The following POLB variants were observed in gnomAD, a reference collection of about 807,000 sequenced individuals.
POLB encodes DNA polymerase beta, also known as 5'-dRP lyase.
A neutral mutation model predicts 52.7 loss-of-function variants in POLB; 37 were observed. That is an observed-to-expected ratio of 0.70 (90% CI 0.54 to 0.92). The LOEUF is 0.92. Ranked by LOEUF, POLB falls within the 40% of genes least tolerant of loss-of-function variation. The pLI is 0.00. For synonymous variants in POLB, 138 were observed against 131.3 expected (o/e 1.05, Z -0.35); for missense variants, 313 against 400.8 (o/e 0.78, Z 1.87).
intron 2 of POLB, chr8:42,339,791 CAACTCCTA>C: frequency 6.6e-6 from 1 of 151,146 alleles, no homozygotes; most frequent in Admixed American, 6.6e-5. Flanking sequence ...GGCTGATCTC[CAACTCCTA>C]AACTCAAATG....
chr8:42,358,750 A>C (rs1300180755), intron 9 of POLB, among the ~76,000 whole-genome samples: 1 of 152,184 alleles, frequency 6.6e-6, no homozygotes, highest in Non-Finnish European at 1.5e-5. Context: ...CTGGGGTCAA[A>C]AGACCTGGGG....
At chr8:42,358,961 G>A (rs977176123) in intron 9 of POLB, among the ~76,000 whole-genome samples, 14 of 152,214 alleles carry the variant, frequency 9.2e-5, no homozygotes, top group African/African-American at 3.1e-4. Flanking sequence ...TTTTCAAAAT[G>A]TAGATTTGGA....
intron 10 of POLB, among the ~76,000 whole-genome samples, chr8:42,362,278 T>A (rs1226059537): frequency 4.1e-5 from 6 of 147,410 alleles, no homozygotes; most frequent in Non-Finnish European, 6.0e-5. Flanking sequence ...TAAAATAAAA[T>A]AAAATAAAAT....
intron 2 of POLB, among the ~76,000 whole-genome samples, chr8:42,343,347 TA>T (rs1316506208): frequency 7.4e-5 from 1 of 13,458 alleles, no homozygotes. Flanking sequence ...AAAAAAAAAA[TA>T]TATATATATA....
Position 42,344,933 on chromosome 8 carries a change from CT to C in POLB, c.120-16del. 6.6e-7 allele frequency: 1 copy of C among 1,516,406 alleles called. No homozygotes were observed. Among genetic ancestry groups the C allele is most frequent in the Non-Finnish European group, 9.2e-7 (1 of 1,091,958 alleles). 93.9% of individuals were successfully genotyped at this position (1,516,406 alleles called of 1,614,324 possible). On this transcript the variant is annotated intron_variant, in intron 2 of 13. Transcript: ENST00000265421. ...CTTGATGGATTTCTAATTGGTTTTC[CT>C]TTTCTTCTTTCCTTATAGAAAAGCA... is the stretch of plus-strand genomic sequence containing the variant.
Position 42,362,664 on chromosome 8 carries a change from C to T in POLB, c.674C>T (p.Thr225Ile). ...CAGTTACAAAAGGTTCATTTTATCA[C>T]AGATACCCTGTCAAAGGGTGAGACA... Reference protein sequence around the residue: ...VEQLQKVHFITDTLSKGETKF... With the variant: ...VEQLQKVHFIIDTLSKGETKF... Residue 225 changes from threonine (T) to isoleucine (I), a missense_variant, in exon 11 of 14, where the codon ACA becomes ATA. By Grantham distance (89) the Thr-to-Ile change is moderately conservative. Transcript: ENST00000265421. The T allele has an allele frequency of 6.2e-7, 1 of 1,609,258 alleles. No homozygotes were observed.
chr8:42,353,881 C>G (rs1404058156), intron 6 of POLB, among the ~76,000 whole-genome samples: 2 of 142,802 alleles, frequency 1.4e-5, no homozygotes, highest in Non-Finnish European at 3.2e-5. Context: ...GTGCTTGGTA[C>G]CTAGTACTAC....
rs921283326 is a variant in POLB at position 42,342,504 on chromosome 8, G to A, written c.120-2449G>A. On this transcript the variant is annotated intron_variant, in intron 2 of 13. Transcript: ENST00000265421. Reference sequence around the variant, plus strand: ...CTATCATCCTCTATTTGGGTGTGTTGTATTTATTTTTATCCTGTATTACCA... The same window carrying A: ...CTATCATCCTCTATTTGGGTGTGTTATATTTATTTTTATCCTGTATTACCA... 3 of 978,170 alleles carry A rather than the reference G, an allele frequency of 3.1e-6. No individual in the cohort carries two copies. In the African/African-American group the frequency reaches 4.8e-5, roughly 16 times the overall value. 60.6% of individuals were successfully genotyped at this position (978,170 alleles called of 1,614,324 possible). A position where few individuals can be genotyped will look rare whatever the true frequency, so the allele number is the denominator to read the frequency against.
At chr8:42,368,409 G>C (rs1384274656) in intron 11 of POLB, among the ~76,000 whole-genome samples, 1 of 152,326 alleles carries the variant, frequency 6.6e-6, no homozygotes, top group East Asian at 1.9e-4. Context: ...GAGTGAAAAA[G>C]TATGGCTTTT....
At chr8:42,344,359 C>T (rs930439975) in intron 2 of POLB, among the ~76,000 whole-genome samples, 5 of 151,312 alleles carry the variant, frequency 3.3e-5, no homozygotes, top group African/African-American at 4.9e-5. Flanking sequence ...ATCCCAGCAA[C>T]TTGGGAAGCT....
At chr8:42,347,751 C>T (rs1157985052) in intron 3 of POLB, among the ~76,000 whole-genome samples, 1 of 152,080 alleles carries the variant, frequency 6.6e-6, no homozygotes, top group East Asian at 1.9e-4. Flanking sequence ...ATTCTGCTTC[C>T]TAAATCTTTT....
chr8:42,363,291 G>A (rs1226056802), intron 11 of POLB, among the ~76,000 whole-genome samples: 1 of 151,754 alleles, frequency 6.6e-6, no homozygotes, highest in Non-Finnish European at 1.5e-5. Context: ...CTCTTTGGGA[G>A]GCCGAGGTCA....
intron 5 of POLB, among the ~76,000 whole-genome samples, chr8:42,351,116 C>T (rs892227316): frequency 3.3e-5 from 5 of 152,168 alleles, no homozygotes; most frequent in Admixed American, 6.5e-5. Flanking sequence ...CTCAAGCCTT[C>T]CTCCCACTTA....
intron 12 of POLB, 127 bp downstream of exon 12, chr8:42,369,462 T>G: frequency 1.7e-6 from 1 of 592,088 alleles, no homozygotes; most frequent in African/African-American, 1.9e-5. Flanking sequence ...GAGCCATATG[T>G]TCTTGCCAAA....
At chr8:42,348,589 G>T (rs1427721861) in intron 3 of POLB, among the ~76,000 whole-genome samples, 1 of 152,122 alleles carries the variant, frequency 6.6e-6, no homozygotes, top group East Asian at 1.9e-4. Flanking sequence ...CTTACATTCT[G>T]TGTTTTAAGA....
intron 5 of POLB, among the ~76,000 whole-genome samples, chr8:42,351,849 C>A: frequency 6.6e-6 from 1 of 152,206 alleles, no homozygotes; most frequent in Non-Finnish European, 1.5e-5. Context: ...GTAACACCTG[C>A]GTACTGTTCC....
chr8:42,355,112 C>T (rs1823222915), intron 6 of POLB, among the ~76,000 whole-genome samples: 3 of 151,844 alleles, frequency 2.0e-5, no homozygotes, highest in Non-Finnish European at 4.4e-5. Flanking sequence ...AATCTCGGCT[C>T]ACTGCAGCTT....
chr8:42,342,288 G>T, intron 2 of POLB: 3 of 1,535,656 alleles, frequency 2.0e-6, no homozygotes, highest in Non-Finnish European at 2.7e-6. Flanking sequence ...CATAGATCTT[G>T]TCCATGCCAA....
intron 11 of POLB, among the ~76,000 whole-genome samples, chr8:42,366,992 G>A (rs1824081353): frequency 6.6e-6 from 1 of 152,172 alleles, no homozygotes. Context: ...AGTAGAGGCA[G>A]GTGACCTGGT....
Sources: allele counts gnomAD v4.1 joint callset (sites outside exome capture counted in the v4.1 genomes callset), GRCh38; gene constraint gnomAD v4.1.1; transcripts MANE v1.5; gene names NCBI Gene and HGNC (gene_info 2026-07-23, HGNC 2026-07-21).